RPA3: variants seen among roughly 807,000 people sequenced by gnomAD.
The protein encoded by RPA3 is replication protein A 14 kDa subunit.
In RPA3, 24 loss-of-function variants were observed where a neutral mutation model predicts 13.7. That is an observed-to-expected ratio of 1.75 (90% CI 1.27 to 2.46). The LOEUF is 2.46. RPA3 is among the 30% of genes most tolerant of loss of function. The pLI is 0.00. For synonymous variants in RPA3, 59 were observed against 51.2 expected (o/e 1.15, Z -0.65); for missense variants, 183 against 151.0 (o/e 1.21, Z -1.11).
At chr7:7,641,439 T>G (rs1008117735) in intron 4 of RPA3, 4 of 152,162 alleles carry the variant, frequency 2.6e-5, no homozygotes, top group African/African-American at 9.7e-5. Context: ...AAACGAAGGG[T>G]TAGGCGGAAT....
At chr7:7,695,293 T>G (rs1056633542) in intron 2 of RPA3, among the ~76,000 whole-genome samples, 1 of 152,234 alleles carries the variant, frequency 6.6e-6, no homozygotes, top group Non-Finnish European at 1.5e-5. Flanking sequence ...CACCACAGTT[T>G]ATCTCATAGA....
intron 1 of RPA3, among the ~76,000 whole-genome samples, chr7:7,716,801 G>T (rs1273552757): frequency 6.6e-6 from 1 of 152,096 alleles, no homozygotes; most frequent in Non-Finnish European, 1.5e-5. Flanking sequence ...AAAAAATTAG[G>T]CGGGCATGGT....
rs563524521 is a variant in RPA3, at chr7:7,643,790, C to G, written c.-757-2615G>C. Among the ~76,000 whole-genome samples, 8 of 151,650 alleles carry G rather than the reference C, an allele frequency of 5.3e-5. No homozygotes were observed. The South Asian group carries it at 1.7e-3, about 31-fold the overall frequency. On this transcript the variant is annotated intron_variant, in intron 4 of 7. Coordinates refer to ENST00000223129, the MANE Select transcript of RPA3 (RefSeq NM_002947.5). Reference sequence around the variant, plus strand: ...CACTTGACCTACTCTCTTTAACCTTCACATTCCCGCTTGGGTCTCTAACAA... The same window carrying G: ...CACTTGACCTACTCTCTTTAACCTTGACATTCCCGCTTGGGTCTCTAACAA...
chr7:7,695,199 G>C (rs28912707), intron 2 of RPA3, among the ~76,000 whole-genome samples: 4 of 152,056 alleles, frequency 2.6e-5, no homozygotes, highest in Non-Finnish European at 4.4e-5. Context: ...TGAGAAGCTC[G>C]CTGTTTCCAA....
intron 4 of RPA3, among the ~76,000 whole-genome samples, chr7:7,662,734 A>G (rs961799749): frequency 5.3e-5 from 8 of 151,730 alleles, no homozygotes; most frequent in Non-Finnish European, 2.9e-5. Context: ...CTCACTGGGA[A>G]CTGCAGATGG....
At chr7:7,668,128 G>A (rs994745448) in intron 4 of RPA3, among the ~76,000 whole-genome samples, 1 of 151,816 alleles carries the variant, frequency 6.6e-6, no homozygotes, top group South Asian at 2.1e-4. Context: ...TGCCCAGGCT[G>A]GTCTCAACTC....
intron 3 of RPA3, among the ~76,000 whole-genome samples, chr7:7,686,275 A>G (rs1432721143): frequency 6.6e-6 from 1 of 152,180 alleles, no homozygotes; most frequent in Non-Finnish European, 1.5e-5. Flanking sequence ...GAGAGGGTGT[A>G]TCAGGGCCAC....
intron 1 of RPA3, among the ~76,000 whole-genome samples, chr7:7,716,223 G>A (rs1396801336): frequency 6.6e-6 from 1 of 152,118 alleles, no homozygotes; most frequent in Non-Finnish European, 1.5e-5. Flanking sequence ...GTTCTATGTT[G>A]TATTGAATAA....
intron 4 of RPA3, among the ~76,000 whole-genome samples, chr7:7,680,657 C>T (rs1326939542): frequency 2.6e-5 from 4 of 151,630 alleles, no homozygotes; most frequent in Non-Finnish European, 4.4e-5. Context: ...AATACTGATT[C>T]TTCCAATCCA....
At chr7:7,680,606 T>C (rs1583728623) in intron 4 of RPA3, among the ~76,000 whole-genome samples, 2 of 152,152 alleles carry the variant, frequency 1.3e-5, no homozygotes, top group Non-Finnish European at 2.9e-5. Flanking sequence ...AGTGATTGCA[T>C]TGAATCTGTA....
At chr7:7,712,971 A>C (rs1199274458) in intron 2 of RPA3, among the ~76,000 whole-genome samples, 4 of 152,254 alleles carry the variant, frequency 2.6e-5, no homozygotes, top group Admixed American at 1.3e-4. Context: ...GTACCGAATG[A>C]ATTTGTTGAT....
chr7:7,682,693 T>A (rs943955710), intron 4 of RPA3, among the ~76,000 whole-genome samples: 1 of 152,236 alleles, frequency 6.6e-6, no homozygotes, highest in African/African-American at 2.4e-5. Flanking sequence ...TTAGAGTGTT[T>A]ATGGATTAAA....
chr7:7,682,324 C>A (rs376933239), intron 4 of RPA3, among the ~76,000 whole-genome samples: 83 of 151,916 alleles, frequency 5.5e-4, no homozygotes, highest in African/African-American at 1.9e-3. Context: ...TTTCCAGTCT[C>A]AATGATCAGT....
At chr7:7,667,341 T>G (rs917912292) in intron 4 of RPA3, among the ~76,000 whole-genome samples, 1 of 152,214 alleles carries the variant, frequency 6.6e-6, no homozygotes, top group Non-Finnish European at 1.5e-5. Context: ...ACTGGAGTAT[T>G]CTTGGGAACT....
At chr7:7,715,850 A>G (rs544746990) in intron 1 of RPA3, among the ~76,000 whole-genome samples, 36 of 152,356 alleles carry the variant, frequency 2.4e-4, no homozygotes, top group African/African-American at 8.4e-4. Flanking sequence ...AAACATTTAA[A>G]AAATAGTATC....
intron 2 of RPA3, among the ~76,000 whole-genome samples, chr7:7,713,913 C>T (rs1424752595): frequency 6.6e-6 from 1 of 152,192 alleles, no homozygotes; most frequent in Non-Finnish European, 1.5e-5. Context: ...CAGCTCACTG[C>T]AGCCTCGACC....
At chr7:7,652,335 C>T (rs13242410) in intron 4 of RPA3, among the ~76,000 whole-genome samples, 1 of 152,222 alleles carries the variant, frequency 6.6e-6, no homozygotes, top group South Asian at 2.1e-4. Flanking sequence ...TTGACTCAGA[C>T]TTTGAGATAT....
chr7:7,717,417 C>T (rs1490718058), intron 1 of RPA3, among the ~76,000 whole-genome samples: 5 of 152,184 alleles, frequency 3.3e-5, no homozygotes, highest in African/African-American at 4.8e-5. Context: ...TGTCCTCGTC[C>T]TTCAGTTTCT....
intron 2 of RPA3, among the ~76,000 whole-genome samples, chr7:7,691,099 A>G (rs1232070474): frequency 1.3e-5 from 2 of 152,160 alleles, no homozygotes; most frequent in Non-Finnish European, 2.9e-5. Flanking sequence ...CAGAAGTGTT[A>G]TGCTGCCAAC....
Sources: gnomAD v4.1 joint callset for allele counts (sites outside exome capture counted in the v4.1 genomes callset) on GRCh38, gnomAD v4.1.1 for gene constraint, MANE v1.5 for transcripts, NCBI Gene and HGNC (gene_info 2026-07-23, HGNC 2026-07-21) for gene names.